RFX6: variants seen among roughly 807,000 people sequenced by gnomAD.
RFX6 encodes DNA-binding protein RFX6.
RFX6 carries 50 observed loss-of-function variants against 110.8 expected under a neutral mutation model. The ratio of observed to expected loss-of-function variants is 0.45; its 90% CI spans 0.36 to 0.57. The LOEUF (loss-of-function observed/expected upper bound fraction) is 0.57. Among genes scored for constraint, RFX6 ranks in the 20% least tolerant of loss-of-function variants. The probability of loss-of-function intolerance (pLI) is 0.00; values close to 1 mark genes in which losing one functional copy is unlikely to be tolerated. For synonymous variants in RFX6, 383 were observed against 411.2 expected (o/e 0.93, Z 0.83); for missense variants, 990 against 1,127.0 (o/e 0.88, Z 1.74).
intron 6 of RFX6, among the ~76,000 whole-genome samples, chr6:116,903,922 T>C (rs1042668904): frequency 2.0e-5 from 3 of 151,816 alleles, no homozygotes; most frequent in African/African-American, 4.8e-5. Flanking sequence ...TCTATAGGAG[T>C]TGAATTCCAG....
At chr6:116,897,557 G>T (rs1319548568) in intron 6 of RFX6, among the ~76,000 whole-genome samples, 1 of 152,130 alleles carries the variant, frequency 6.6e-6, no homozygotes, top group Non-Finnish European at 1.5e-5. Flanking sequence ...TAAGAATTCT[G>T]TAATGGGAAG....
Position 116,931,350 on chromosome 6 carries a change from A to G in RFX6, c.2631A>G (p.Pro877=), listed in dbSNP as rs1562151041. ...TTACAGCTTCCAGTTTGCAAACCCC[A>G]ATTCCTTCTTCCTCATCCCAATGTA... ...TPVLASSLQT[P]IPSSSSQCMY... The change falls in exon 19 of 19, where the codon CCA becomes CCG. Residue 877 remains proline, a synonymous_variant. Transcript: ENST00000332958. The G allele has an allele frequency of 2.5e-6, 4 of 1,612,906 alleles. No individual in the cohort carries two copies. Among genetic ancestry groups the G allele is most frequent in the Admixed American group, 1.7e-5 (1 of 59,988 alleles).
chr6:116,923,846 CT>C (rs1775654852), intron 14 of RFX6, among the ~76,000 whole-genome samples: 1 of 152,102 alleles, frequency 6.6e-6, no homozygotes, highest in Non-Finnish European at 1.5e-5. Flanking sequence ...CCTGAGACTC[CT>C]ATTTTATAGT....
rs762778951 is a variant in RFX6, at chr6:116,931,980, G to A, written c.*474G>A. 6.2e-6 allele frequency: 1 copy of A among 162,120 alleles called. No homozygotes were observed. The highest frequency in any genetic ancestry group is 1.4e-5 in the Non-Finnish European group (1 of 74,054). 10.0% of individuals were successfully genotyped at this position (162,120 alleles called of 1,614,324 possible). A position where few individuals can be genotyped will look rare whatever the true frequency, so the allele number is the denominator to read the frequency against. ...TACCTCCAACGGAAATGTTTACAAGGTCAAGACTTAATTCAATTCAGACAA... is the reference window on the plus strand; with the variant it reads ...TACCTCCAACGGAAATGTTTACAAGATCAAGACTTAATTCAATTCAGACAA... On this transcript the variant is annotated 3_prime_UTR_variant, in exon 19 of 19. Transcript: ENST00000332958.
At chr6:116,912,256 A>G (rs558640444) in intron 7 of RFX6, among the ~76,000 whole-genome samples, 1 of 152,174 alleles carries the variant, frequency 6.6e-6, no homozygotes, top group East Asian at 1.9e-4. Flanking sequence ...GGGTAATTGG[A>G]TCATTCGTAT....
In RFX6 at chr6:116,925,399, T is replaced by C. The variant is rs1374323055; in HGVS notation, c.1679-54T>C. ...CATTTTCTTTTTACTTGGGTTTATC[T>C]ACGAGGAATGTGAGAAAAAATCTCA... On this transcript the variant is annotated intron_variant, in intron 15 of 18. Transcript: ENST00000332958. 10 of 1,348,480 alleles carry C rather than the reference T, an allele frequency of 7.4e-6. No individual in the cohort carries two copies. The South Asian group carries it at 9.4e-5, about 13-fold the overall frequency. 83.5% of individuals were successfully genotyped at this position (1,348,480 alleles called of 1,614,324 possible).
In RFX6 at chr6:116,916,004, A is replaced by G; in HGVS notation, c.781-4A>G. 1 of 1,601,032 alleles carries G rather than the reference A, an allele frequency of 6.2e-7. No individual in the cohort carries two copies. The highest frequency in any genetic ancestry group is 8.6e-7 in the Non-Finnish European group (1 of 1,168,736). ...TTGGTTAAGCTTTTTCTTCCTTGAA[A>G]TAGGTTGATACGCTCATAATGATGT... On this transcript the variant is annotated splice_region_variant and splice_polypyrimidine_tract_variant and intron_variant, in intron 7 of 18. Coordinates refer to ENST00000332958, the MANE Select transcript of RFX6 (RefSeq NM_173560.4).
At position 116,931,180 on chromosome 6, in the gene RFX6, T is replaced by A; in HGVS notation, c.2612-151T>A. Reference sequence around the variant, plus strand: ...AAGTGGGAACAAATGGAAGAAAAAATGATTGCTCTGGTAAACCATACAGAC... The same window carrying A: ...AAGTGGGAACAAATGGAAGAAAAAAAGATTGCTCTGGTAAACCATACAGAC... On this transcript the variant is annotated intron_variant, in intron 18 of 18. Transcript: ENST00000332958. The A allele has an allele frequency of 5.9e-6, 4 of 682,816 alleles. No homozygotes were observed. The East Asian group carries it at 7.9e-5, about 13-fold the overall frequency. 42.3% of individuals were successfully genotyped at this position (682,816 alleles called of 1,614,324 possible).
Position 116,921,923 on chromosome 6 carries a change from C to G in RFX6, c.1328-119C>G, listed in dbSNP as rs1045237032. On this transcript the variant is annotated intron_variant, in intron 12 of 18. Coordinates refer to ENST00000332958, the MANE Select transcript of RFX6 (RefSeq NM_173560.4). Reference sequence around the variant, plus strand: ...TAATTCTTTTCACACATTTATCTGTCTTTCCCTTTCATGCTATCAAAGTAT... The same window carrying G: ...TAATTCTTTTCACACATTTATCTGTGTTTCCCTTTCATGCTATCAAAGTAT... The G allele has an allele frequency of 1.8e-5, 12 of 657,502 alleles. No individual in the cohort carries two copies. The Admixed American group carries it at 3.2e-4, about 18-fold the overall frequency. The allele number at this position is 657,502 out of a possible 1,614,324, so 40.7% of individuals were successfully genotyped here. A position where few individuals can be genotyped will look rare whatever the true frequency, so the allele number is the denominator to read the frequency against.
rs199885498 is a variant in RFX6, at chr6:116,925,663, C to T, written c.1885+4C>T. On this transcript the variant is annotated splice_donor_region_variant and intron_variant, in intron 16 of 18. Transcript: ENST00000332958. Reference sequence around the variant, plus strand: ...ACAGACAACATGCCGCTCACAGGTACGCTAAAGAGAACTGCTTAGGCTCCA... The same window carrying T: ...ACAGACAACATGCCGCTCACAGGTATGCTAAAGAGAACTGCTTAGGCTCCA... 1.2e-5 allele frequency: 19 copies of T among 1,607,720 alleles called. No individual in the cohort carries two copies. The highest frequency in any genetic ancestry group is 8.9e-5 in the East Asian group (4 of 44,820).
rs1358608357 is a variant in RFX6, at chr6:116,910,877, T to A, written c.673-58T>A. On this transcript the variant is annotated intron_variant, in intron 6 of 18. Coordinates refer to ENST00000332958, the MANE Select transcript of RFX6 (RefSeq NM_173560.4). ...ATGGATTTGTATTTTACTAGAATAG[T>A]ACTTTGGAAGCATATAGTTGATAAT... 32 of 1,108,140 alleles carry A rather than the reference T, an allele frequency of 2.9e-5. No homozygotes were observed. The East Asian group carries it at 7.5e-4, about 26-fold the overall frequency. The allele number at this position is 1,108,140 out of a possible 1,614,324, so 68.6% of individuals were successfully genotyped here. A position where few individuals can be genotyped will look rare whatever the true frequency, so the allele number is the denominator to read the frequency against.
intron 4 of RFX6, among the ~76,000 whole-genome samples, chr6:116,890,159 A>G (rs1774790286): frequency 6.6e-6 from 1 of 152,128 alleles, no homozygotes; most frequent in African/African-American, 2.4e-5. Flanking sequence ...TGTGGAGGCA[A>G]TATGGTTTGT....
At chr6:116,887,758 C>T (rs925125221) in intron 4 of RFX6, among the ~76,000 whole-genome samples, 19 of 152,126 alleles carry the variant, frequency 1.2e-4, no homozygotes, top group African/African-American at 3.9e-4. Flanking sequence ...AAAGAACTTT[C>T]GCTACTCATC....
chr6:116,886,450 C>G (rs533867348), intron 4 of RFX6, among the ~76,000 whole-genome samples: 1 of 152,274 alleles, frequency 6.6e-6, no homozygotes, highest in African/African-American at 2.4e-5. Flanking sequence ...GTTCATGAAG[C>G]AATGTCACTC....
chr6:116,899,993 G>C (rs574764480), intron 6 of RFX6, among the ~76,000 whole-genome samples: 2 of 152,230 alleles, frequency 1.3e-5, no homozygotes, highest in East Asian at 3.9e-4. Flanking sequence ...GCGAATAGAT[G>C]ATTCACAGTA....
chr6:116,887,272 C>T (rs769911944), intron 4 of RFX6, among the ~76,000 whole-genome samples: 21 of 151,892 alleles, frequency 1.4e-4, no homozygotes, highest in Non-Finnish European at 2.4e-4. Context: ...TAAAGATGAA[C>T]ATGAGGGGTC....
At chr6:116,910,096 T>TGCCAGGGACACTTTA (rs1775318100) in intron 6 of RFX6, among the ~76,000 whole-genome samples, 1 of 152,170 alleles carries the variant, frequency 6.6e-6, no homozygotes, top group South Asian at 2.1e-4. Flanking sequence ...ATTTTGTCCT[T>TGCCAGGGACACTTTA]GCCAGGGACA....
At position 116,922,046 on chromosome 6, in the gene RFX6, C is replaced by G; in HGVS notation, c.1332C>G (p.Asp444Glu). Residue 444 changes from aspartate (D) to glutamate (E), a missense_variant, in exon 13 of 19, where the codon GAC becomes GAG. Physicochemically the swap from Asp to Glu is conservative, Grantham distance 45 (BLOSUM62 2). Around this residue, in one of 5 missense-constraint regions of RFX6, gnomAD observed 45 missense variants for 29.3 expected, o/e 1.53. Coordinates refer to ENST00000332958, the MANE Select transcript of RFX6 (RefSeq NM_173560.4). ...DTESGIYTEH[D>E]SITVFQELKD... The stretch of plus-strand genomic sequence containing the variant: ...TTTTTTTTTTTTCCTGGGTAGATGA[C>G]TCTATCACTGTGTTCCAAGAACTGA... The G allele has an allele frequency of 7.7e-7, 1 of 1,305,420 alleles. No homozygotes were observed. The highest frequency in any genetic ancestry group is 1.7e-5 in the Admixed American group (1 of 58,818). 80.9% of individuals were successfully genotyped at this position (1,305,420 alleles called of 1,614,324 possible). A position where few individuals can be genotyped will look rare whatever the true frequency, so the allele number is the denominator to read the frequency against.
chr6:116,890,162 T>C (rs1582513522), intron 4 of RFX6, among the ~76,000 whole-genome samples: 1 of 152,252 alleles, frequency 6.6e-6, no homozygotes, highest in East Asian at 1.9e-4. Context: ...GGAGGCAATA[T>C]GGTTTGTGGA....
Sources: gnomAD v4.1 joint callset for allele counts (sites outside exome capture counted in the v4.1 genomes callset) on GRCh38, gnomAD v4.1.1 for gene constraint, gnomAD v4.1.1 regional missense constraint, MANE v1.5 for transcripts, NCBI Gene and HGNC (gene_info 2026-07-23, HGNC 2026-07-21) for gene names.